The following GID4 variants were observed in gnomAD, a reference collection of about 807,000 sequenced individuals.
GID4 encodes GID complex subunit 4 homolog.
In GID4, 7 loss-of-function variants were observed where a neutral mutation model predicts 32.4. The observed-to-expected ratio is 0.22, with a 90% CI of 0.12 to 0.41. The LOEUF (loss-of-function observed/expected upper bound fraction) is 0.41, where lower values mean the gene tolerates loss of function less well. Among genes scored for constraint, GID4 ranks in the 10% least tolerant of loss-of-function variants. GID4 has a pLI of 1.00. For synonymous variants in GID4, 166 were observed against 170.0 expected, an observed-to-expected ratio of 0.98 and a Z score of 0.18; for missense variants, 309 against 400.0, an observed-to-expected ratio of 0.77 and a Z score of 1.94.
In GID4 at chr17:18,066,434, CGAG is replaced by C. The variant is rs2045063476; in HGVS notation, c.*1193_*1195del. ...GAAACATGAACATGCTCAAATAACTCGAGGCTCACGTGCCAAAGTGTGTGTGTG... is the reference window on the plus strand; with the variant it reads ...GAAACATGAACATGCTCAAATAACTCGCTCACGTGCCAAAGTGTGTGTGTG... On this transcript the variant is annotated 3_prime_UTR_variant, in exon 6 of 6. Coordinates refer to ENST00000268719, the MANE Select transcript of GID4 (RefSeq NM_024052.5). 1 of 150,812 alleles carries C rather than the reference CGAG, an allele frequency of 6.6e-6. No homozygotes were observed. The highest frequency in any genetic ancestry group is 2.1e-4 in the South Asian group (1 of 4,736). The allele number at this position is 150,812 out of a possible 1,614,324, so 9.3% of individuals were successfully genotyped here. A position where few individuals can be genotyped will look rare whatever the true frequency, so the allele number is the denominator to read the frequency against.
intron 2 of GID4, among the ~76,000 whole-genome samples, chr17:18,051,279 T>TA (rs2044906785): frequency 6.6e-6 from 1 of 152,168 alleles, no homozygotes; most frequent in Non-Finnish European, 1.5e-5. Context: ...GTGCTGGCAT[T>TA]ACAGGTGTGA....
chr17:18,054,505 A>G (rs993256386), intron 3 of GID4, among the ~76,000 whole-genome samples: 6 of 152,196 alleles, frequency 3.9e-5, no homozygotes, highest in Non-Finnish European at 7.3e-5. Context: ...GAATCTTAAC[A>G]GTGTCCCCCC....
chr17:18,041,327 C>T (rs749715356), intron 1 of GID4, among the ~76,000 whole-genome samples: 3 of 152,196 alleles, frequency 2.0e-5, no homozygotes, highest in Non-Finnish European at 4.4e-5. Flanking sequence ...ATCCAAAAGA[C>T]AATGAGGGTG....
chr17:18,045,741 A>T (rs915276165), intron 2 of GID4, among the ~76,000 whole-genome samples: 20 of 151,924 alleles, frequency 1.3e-4, no homozygotes, highest in African/African-American at 4.8e-4. Flanking sequence ...ATAAAAAAAA[A>T]AAATTAGCCG....
chr17:18,059,120 C>T, intron 4 of GID4, 151 bp downstream of exon 4: 1 of 589,012 alleles, frequency 1.7e-6, no homozygotes, highest in Non-Finnish European at 3.0e-6. Flanking sequence ...CTTTGCACGC[C>T]TATAAAAAGT....
rs1030640064 is a variant in GID4 at position 18,039,428 on chromosome 17, T to G, written c.-37T>G. On this transcript the variant is annotated 5_prime_UTR_variant, in exon 1 of 6. Transcript: ENST00000268719. This position sits in a 1 kb window ranked among gnomAD's most constrained non-coding sequence, Gnocchi z 5.3. ...GGGGTGTGTGTGTGTCTGTGTGTGT[T>G]TGTGTGTTGTGTGTCTGTGAGTGTC... The G allele has an allele frequency of 7.8e-6, 10 of 1,288,616 alleles. No individual in the cohort carries two copies. The highest frequency in any genetic ancestry group is 6.0e-5 in the African/African-American group (4 of 66,134). 79.8% of individuals were successfully genotyped at this position (1,288,616 alleles called of 1,614,324 possible). A position where few individuals can be genotyped will look rare whatever the true frequency, so the allele number is the denominator to read the frequency against.
chr17:18,060,481 C>G (rs923371433), intron 4 of GID4, among the ~76,000 whole-genome samples: 20 of 150,618 alleles, frequency 1.3e-4, no homozygotes, highest in Non-Finnish European at 2.7e-4. Context: ...AAACAGGGAA[C>G]AGTATGCTCA....
intron 1 of GID4, among the ~76,000 whole-genome samples, chr17:18,041,181 T>TG (rs541289908): frequency 3.7e-4 from 57 of 152,204 alleles, no homozygotes; most frequent in African/African-American, 1.3e-3. Context: ...AAAGGCACTG[T>TG]GTGCTGCCCC....
At chr17:18,056,870 T>C in intron 3 of GID4, 1 of 1,550,622 alleles carries the variant, frequency 6.4e-7, no homozygotes, top group Non-Finnish European at 8.7e-7. Context: ...TGGCTGCTTT[T>C]GTAGTACTCA....
chr17:18,059,150 G>A (rs1457495543), intron 4 of GID4, among the ~76,000 whole-genome samples, 181 bp downstream of exon 4: 2 of 152,174 alleles, frequency 1.3e-5, no homozygotes, highest in African/African-American at 4.8e-5. Context: ...TCCAGGGCAC[G>A]CACTGGTTAA....
chr17:18,040,416 T>C (rs188965429), intron 1 of GID4, among the ~76,000 whole-genome samples: 1 of 152,048 alleles, frequency 6.6e-6, no homozygotes, highest in African/African-American at 2.4e-5. Context: ...TTCCTCCTCC[T>C]GAGATCTCCT....
At chr17:18,042,300 A>G (rs2044810733) in intron 1 of GID4, among the ~76,000 whole-genome samples, 1 of 152,216 alleles carries the variant, frequency 6.6e-6, no homozygotes, top group African/African-American at 2.4e-5. Context: ...GAAACCTTGT[A>G]TGTAACCCTT....
chr17:18,058,252 G>A (rs1031093461), intron 3 of GID4, among the ~76,000 whole-genome samples: 1 of 152,164 alleles, frequency 6.6e-6, no homozygotes, highest in African/African-American at 2.4e-5. Flanking sequence ...TAAAGTATAG[G>A]GGAGGATGTG....
At chr17:18,058,197 A>C (rs1280060217) in intron 3 of GID4, among the ~76,000 whole-genome samples, 3 of 152,228 alleles carry the variant, frequency 2.0e-5, no homozygotes, top group African/African-American at 7.2e-5. Context: ...CTATTCACTT[A>C]GTATTTACAT....
chr17:18,065,273 C>T lies in GID4; in HGVS notation c.*30C>T. The T allele has an allele frequency of 6.4e-7, 1 of 1,571,880 alleles. No homozygotes were observed. Among genetic ancestry groups the T allele is most frequent in the Non-Finnish European group, 8.8e-7 (1 of 1,141,564 alleles). Reference sequence around the variant, plus strand: ...GGTTCAGAACAGCAACCAAATAAAACTGAACTTGGCAAAAAAGAACTTTGC... The same window carrying T: ...GGTTCAGAACAGCAACCAAATAAAATTGAACTTGGCAAAAAAGAACTTTGC... On this transcript the variant is annotated 3_prime_UTR_variant, in exon 6 of 6. Coordinates refer to ENST00000268719, the MANE Select transcript of GID4 (RefSeq NM_024052.5).
intron 1 of GID4, among the ~76,000 whole-genome samples, chr17:18,044,482 A>G (rs2044833285): frequency 6.6e-6 from 1 of 152,080 alleles, no homozygotes; most frequent in African/African-American, 2.4e-5. Flanking sequence ...TAGGCTCCTG[A>G]CTCTTTTCAT....
rs1458029328 is a variant in GID4 at position 18,067,078 on chromosome 17, T to C, written c.*1835T>C. 1 of 152,302 alleles carries C rather than the reference T, an allele frequency of 6.6e-6. No homozygotes were observed. The highest frequency in any genetic ancestry group is 1.5e-5 in the Non-Finnish European group (1 of 68,088). The allele number at this position is 152,302 out of a possible 1,614,324, so 9.4% of individuals were successfully genotyped here. ...CTGTGGTCAAGCCCAGCTGCTGTCA[T>C]GTGAGGAGATGCTCACTGTGGTCTT... On this transcript the variant is annotated 3_prime_UTR_variant, in exon 6 of 6. Transcript: ENST00000268719.
Position 18,050,374 on chromosome 17 carries a change from T to C in GID4, c.499-3753T>C, listed in dbSNP as rs143251026. 2.0e-3 allele frequency among the ~76,000 whole-genome samples: 311 copies of C among 152,330 alleles called. 1 individual carries two copies. Among genetic ancestry groups the C allele is most frequent in the African/African-American group, 7.4e-3 (306 of 41,578 alleles). On this transcript the variant is annotated intron_variant, in intron 2 of 5. Coordinates refer to ENST00000268719, the MANE Select transcript of GID4 (RefSeq NM_024052.5). ...AAATTCTAGAAATGTAAAGAATAAATATGAAATAACATTCTTTTTGCACTT... is the reference window on the plus strand; with the variant it reads ...AAATTCTAGAAATGTAAAGAATAAACATGAAATAACATTCTTTTTGCACTT...
chr17:18,047,336 A>G (rs1389544224), intron 2 of GID4, among the ~76,000 whole-genome samples: 1 of 152,254 alleles, frequency 6.6e-6, no homozygotes, highest in African/African-American at 2.4e-5. Context: ...GCAGAACATA[A>G]ACACTGAATT....
Sources: allele counts gnomAD v4.1 joint callset (sites outside exome capture counted in the v4.1 genomes callset), GRCh38; gene constraint gnomAD v4.1.1; non-coding constraint Gnocchi (gnomAD v3.1); transcripts MANE v1.5; gene names NCBI Gene and HGNC (gene_info 2026-07-23, HGNC 2026-07-21).